The following HTR3E variants were observed in gnomAD, a reference collection of about 807,000 sequenced individuals.
The protein encoded by HTR3E is 5-hydroxytryptamine (serotonin) receptor 3, family member E.
Under a neutral mutation model 38.0 loss-of-function variants are expected in HTR3E, and 38 were observed. That is an observed-to-expected ratio of 1.00 (90% CI 0.77 to 1.31). The LOEUF is 1.31. Ranked by LOEUF, HTR3E falls within the 50% of genes most tolerant of loss-of-function variation. The probability of loss-of-function intolerance (pLI) is 0.00; values close to 1 mark genes in which losing one functional copy is unlikely to be tolerated. For synonymous variants in HTR3E, 210 were observed against 232.9 expected (o/e 0.90, Z 0.89); for missense variants, 547 against 585.2 (o/e 0.93, Z 0.67).
In HTR3E at chr3:184,105,252, G is replaced by A. The variant is rs200591175; in HGVS notation, c.560-15G>A. 7 of 1,594,942 alleles carry A rather than the reference G, an allele frequency of 4.4e-6. No individual in the cohort carries two copies. The highest frequency in any genetic ancestry group is 6.0e-6 in the Non-Finnish European group (7 of 1,171,792). On this transcript the variant is annotated splice_polypyrimidine_tract_variant and intron_variant, in intron 5 of 8. Coordinates refer to ENST00000415389, the MANE Select transcript of HTR3E (RefSeq NM_001256613.2). Reference sequence around the variant, plus strand: ...TATCTCCTTGAAAAATGATTCAGATGGTTCTCATTTTCAGTGGACAGCATG... The same window carrying A: ...TATCTCCTTGAAAAATGATTCAGATAGTTCTCATTTTCAGTGGACAGCATG...
chr3:184,106,184 T>C lies in HTR3E; in HGVS notation c.982T>C (p.Phe328Leu). The C allele has an allele frequency of 6.2e-7, 1 of 1,612,852 alleles. No homozygotes were observed. Among genetic ancestry groups the C allele is most frequent in the Non-Finnish European group, 8.5e-7 (1 of 1,179,980 alleles). The change falls in exon 8 of 9, where the codon TTC becomes CTC. Residue 328 changes from phenylalanine (F) to leucine (L), a missense_variant. Transcript: ENST00000415389. This position sits in a 1 kb window ranked among gnomAD's most constrained non-coding sequence, Gnocchi z 4.1. ...GGTGGGCAGCCTGCTGGAGACCATC[T>C]TCATCACCCACCTGCTGCACGTGGC... ...LMVGSLLETI[F>L]ITHLLHVATT...
Position 184,104,960 on chromosome 3 carries a change from A to G in HTR3E, c.559+4A>G, listed in dbSNP as rs1338269660. The G allele has an allele frequency of 6.2e-7, 1 of 1,609,708 alleles. No individual in the cohort carries two copies. On this transcript the variant is annotated splice_donor_region_variant and intron_variant, in intron 5 of 8. Transcript: ENST00000415389. ...TTCAGCTCATTCCTCTACACAGGTAAGTTGCAGTGAGGTCTCAGGGATGGG... is the reference window on the plus strand; with the variant it reads ...TTCAGCTCATTCCTCTACACAGGTAGGTTGCAGTGAGGTCTCAGGGATGGG...
chr3:184,104,947 C>A lies in HTR3E; in HGVS notation c.550C>A (p.Leu184Ile). ...QNCTLTFSSF[L>I]YTVDSMLLDM... The stretch of plus-strand genomic sequence containing the variant: ...CTGCACACTCACCTTCAGCTCATTC[C>A]TCTACACAGGTAAGTTGCAGTGAGG... Residue 184 changes from leucine to isoleucine, a missense_variant, in exon 5 of 9, where the codon CTC becomes ATC. By Grantham distance (5) the Leu-to-Ile change is conservative. Coordinates refer to ENST00000415389, the MANE Select transcript of HTR3E (RefSeq NM_001256613.2). The A allele has an allele frequency of 6.2e-7, 1 of 1,613,040 alleles. No homozygotes were observed. Among genetic ancestry groups the A allele is most frequent in the Non-Finnish European group, 8.5e-7 (1 of 1,179,562 alleles).
At chr3:184,102,456 C>T (rs1426310194) in intron 3 of HTR3E, among the ~76,000 whole-genome samples, 1 of 130,358 alleles carries the variant, frequency 7.7e-6, no homozygotes, top group Non-Finnish European at 1.6e-5. Flanking sequence ...AGAGTGAGAC[C>T]CTATCACACA....
chr3:184,102,922 C>T (rs1385815496), intron 3 of HTR3E, among the ~76,000 whole-genome samples: 1 of 147,896 alleles, frequency 6.8e-6, no homozygotes, highest in Admixed American at 6.7e-5. Flanking sequence ...GAGACTGCAT[C>T]TCAAAAAAAA....
At chr3:184,104,699 A>G in intron 4 of HTR3E, 88 bp from the exon 5 acceptor site, 7 of 1,219,764 alleles carry the variant, frequency 5.7e-6, no homozygotes, top group Non-Finnish European at 7.8e-6. Flanking sequence ...CCTGGGTGAC[A>G]GAGCAAGATC....
chr3:184,097,301 C>T lies in HTR3E; in HGVS notation c.-229C>T, dbSNP rs1235566139. On this transcript the variant is annotated 5_prime_UTR_variant, in exon 1 of 9. In the 5' UTR this introduces an upstream ATG that the reference lacks. Coordinates refer to ENST00000415389, the MANE Select transcript of HTR3E (RefSeq NM_001256613.2). ...CGTATGAACTATCTATAACCATTTA[C>T]GTTGCAGTGAAATACCTAAGACTAA... is the stretch of plus-strand genomic sequence containing the variant. 12 of 500,738 alleles carry T rather than the reference C, an allele frequency of 2.4e-5. No individual in the cohort carries two copies. The highest frequency in any genetic ancestry group is 3.5e-5 in the Admixed American group (1 of 28,764). 31.0% of individuals were successfully genotyped at this position (500,738 alleles called of 1,614,324 possible). A position where few individuals can be genotyped will look rare whatever the true frequency, so the allele number is the denominator to read the frequency against.
At chr3:184,103,205 G>A (rs934352066) in intron 3 of HTR3E, among the ~76,000 whole-genome samples, 1 of 152,102 alleles carries the variant, frequency 6.6e-6, no homozygotes, top group African/African-American at 2.4e-5. Context: ...TTGATGGCTG[G>A]GCTTGGTGGT....
intron 3 of HTR3E, 29 bp downstream of exon 3, chr3:184,101,558 C>A (rs771596128): frequency 6.5e-7 from 1 of 1,546,896 alleles, no homozygotes; most frequent in South Asian, 1.1e-5. Flanking sequence ...TCTCTCCCTA[C>A]AGTTACAGTC....
In HTR3E at chr3:184,105,334, T is replaced by C; in HGVS notation, c.627T>C (p.Leu209=). The change falls in exon 6 of 9, where the codon CTT becomes CTC. Residue 209 remains leucine, a synonymous_variant. Transcript: ENST00000415389. ...TAACAGACGCATCCCGGAACATCCT[T>C]CAGACCCATGGAGAATGGGAGCTCC... ...WEITDASRNI[L]QTHGEWELLG... is the part of the protein sequence containing the mutation. 1.9e-6 allele frequency: 3 copies of C among 1,614,150 alleles called. No individual in the cohort carries two copies. Among genetic ancestry groups the C allele is most frequent in the Non-Finnish European group, 2.5e-6 (3 of 1,180,026 alleles).
intron 3 of HTR3E, 142 bp from the exon 4 acceptor site, chr3:184,104,040 C>A: frequency 4.1e-6 from 2 of 489,448 alleles, no homozygotes; most frequent in South Asian, 5.6e-5. Context: ...ATATTAATGC[C>A]ACAAAGTTGG....
intron 3 of HTR3E, among the ~76,000 whole-genome samples, chr3:184,102,412 C>G (rs1345426841): frequency 7.0e-6 from 1 of 142,580 alleles, no homozygotes; most frequent in Non-Finnish European, 1.5e-5. Context: ...TGCAGTCAGC[C>G]ATAATTGTGC....
intron 3 of HTR3E, among the ~76,000 whole-genome samples, chr3:184,102,840 G>T (rs986791690): frequency 6.6e-6 from 1 of 151,620 alleles, no homozygotes; most frequent in African/African-American, 2.4e-5. Flanking sequence ...CACAAGAATC[G>T]CTTGAGCCAG....
chr3:184,106,166 A>G lies in HTR3E; in HGVS notation c.964A>G (p.Ser322Gly), dbSNP rs1712435776. The change falls in exon 8 of 9, where the codon AGC becomes GGC. Residue 322 changes from serine to glycine, a missense_variant. Coordinates refer to ENST00000415389, the MANE Select transcript of HTR3E (RefSeq NM_001256613.2). This position sits in a 1 kb window ranked among gnomAD's most constrained non-coding sequence, Gnocchi z 4.1. ...FALCLSLMVG[S>G]LLETIFITHL... ...CCTGTGCCTGTCCCTGATGGTGGGC[A>G]GCCTGCTGGAGACCATCTTCATCAC... 1 of 1,612,848 alleles carries G rather than the reference A, an allele frequency of 6.2e-7. No individual in the cohort carries two copies. Among genetic ancestry groups the G allele is most frequent in the Non-Finnish European group, 8.5e-7 (1 of 1,179,978 alleles).
rs1201071491 is a variant in HTR3E, at chr3:184,106,777, A to G, written c.*84A>G. The stretch of plus-strand genomic sequence containing the variant: ...GGTCTCCCCCCTTTCCTGAGTACCA[A>G]CTATCATATCCCCAAAGATGACTGA... On this transcript the variant is annotated 3_prime_UTR_variant, in exon 9 of 9. Coordinates refer to ENST00000415389, the MANE Select transcript of HTR3E (RefSeq NM_001256613.2). The surrounding 1 kb of genome is among the most constrained non-coding windows in gnomAD (Gnocchi z 4.1). 1.3e-5 allele frequency: 18 copies of G among 1,338,936 alleles called. No homozygotes were observed. Among genetic ancestry groups the G allele is most frequent in the Non-Finnish European group, 1.8e-5 (17 of 950,252 alleles). The allele number at this position is 1,338,936 out of a possible 1,614,324, so 82.9% of individuals were successfully genotyped here. A position where few individuals can be genotyped will look rare whatever the true frequency, so the allele number is the denominator to read the frequency against.
chr3:184,102,056 A>C (rs1423759178), intron 3 of HTR3E, among the ~76,000 whole-genome samples: 5 of 152,234 alleles, frequency 3.3e-5, no homozygotes, highest in Non-Finnish European at 7.3e-5. Context: ...TTTTCACAGC[A>C]CAATTAAGAA....
Position 184,097,265 on chromosome 3 carries a change from C to A in HTR3E, c.-265C>A, listed in dbSNP as rs1352478450. The A allele has an allele frequency of 1.8e-5, 5 of 285,404 alleles. No individual in the cohort carries two copies. Among genetic ancestry groups the A allele is most frequent in the African/African-American group, 1.1e-4 (5 of 45,816 alleles). The allele number at this position is 285,404 out of a possible 1,614,324, so 17.7% of individuals were successfully genotyped here. A position where few individuals can be genotyped will look rare whatever the true frequency, so the allele number is the denominator to read the frequency against. ...GACCAAGGGATCTCACCAAGATCTG[C>A]AAGTTGATCACGTATGAACTATCTA... On this transcript the variant is annotated 5_prime_UTR_variant, in exon 1 of 9. Coordinates refer to ENST00000415389, the MANE Select transcript of HTR3E (RefSeq NM_001256613.2).
intron 3 of HTR3E, 73 bp from the exon 4 acceptor site, chr3:184,104,109 T>A (rs1169947532): frequency 1.9e-6 from 2 of 1,030,442 alleles, no homozygotes; most frequent in South Asian, 2.2e-5. Flanking sequence ...ATGCTTGAAG[T>A]ATTTCATAAC....
In HTR3E at chr3:184,106,371, C is replaced by T. The variant is rs1321164932; in HGVS notation, c.1141+28C>T. 3 of 1,587,506 alleles carry T rather than the reference C, an allele frequency of 1.9e-6. No homozygotes were observed. The highest frequency in any genetic ancestry group is 2.6e-6 in the Non-Finnish European group (3 of 1,166,734). ...GAGGGAAGTCACATTCCTCTTCCCC[C>T]ACCTCCACTTCTCTGCTCCTGCCTC... On this transcript the variant is annotated intron_variant, in intron 8 of 8. Coordinates refer to ENST00000415389, the MANE Select transcript of HTR3E (RefSeq NM_001256613.2). This position sits in a 1 kb window ranked among gnomAD's most constrained non-coding sequence, Gnocchi z 4.1.
Sources: gnomAD v4.1 joint callset for allele counts (sites outside exome capture counted in the v4.1 genomes callset) on GRCh38, gnomAD v4.1.1 for gene constraint, Gnocchi (gnomAD v3.1) non-coding constraint, MANE v1.5 for transcripts, NCBI Gene and HGNC (gene_info 2026-07-23, HGNC 2026-07-21) for gene names.